The following LRRC4C variants were observed in gnomAD, a reference collection of about 807,000 sequenced individuals.
LRRC4C encodes leucine-rich repeat-containing protein 4C.
A neutral mutation model predicts 33.6 loss-of-function variants in LRRC4C; 5 were observed. The observed-to-expected ratio is 0.15, with a 90% CI of 0.08 to 0.31. The LOEUF is 0.31. LRRC4C is among the 10% of genes least tolerant of loss of function. The probability of loss-of-function intolerance (pLI) is 1.00; values close to 1 mark genes in which losing one functional copy is unlikely to be tolerated. For synonymous variants in LRRC4C, 329 were observed against 302.0 expected (o/e 1.09, Z -0.93); for missense variants, 560 against 796.7 (o/e 0.70, Z 3.58).
At chr11:40,866,178 A>AG (rs1954359500) in intron 2 of LRRC4C, among the ~76,000 whole-genome samples, 1 of 151,224 alleles carries the variant, frequency 6.6e-6, no homozygotes, top group African/African-American at 2.4e-5. Context: ...TTAAAAAAAA[A>AG]AAAAAAAGCG....
intron 2 of LRRC4C, among the ~76,000 whole-genome samples, chr11:40,705,121 A>G (rs1946085096): frequency 1.3e-5 from 2 of 152,180 alleles, no homozygotes; most frequent in Admixed American, 1.3e-4. Flanking sequence ...TACTGATGAG[A>G]AAGCCAAGAT....
intron 5 of LRRC4C, among the ~76,000 whole-genome samples, chr11:40,164,832 G>A (rs745418411): frequency 2.6e-5 from 4 of 152,110 alleles, no homozygotes; most frequent in Admixed American, 6.5e-5. Context: ...ATTACACCAT[G>A]TATGCATGTA....
chr11:41,094,735 G>A (rs973503934), intron 1 of LRRC4C, among the ~76,000 whole-genome samples: 14 of 151,828 alleles, frequency 9.2e-5, no homozygotes, highest in Admixed American at 7.9e-4. Context: ...CAAGATCAAA[G>A]CATTTATCTT....
At chr11:40,219,736 G>A (rs1463958169) in intron 5 of LRRC4C, among the ~76,000 whole-genome samples, 1 of 149,936 alleles carries the variant, frequency 6.7e-6, no homozygotes, top group Non-Finnish European at 1.5e-5. Flanking sequence ...TGAGGGGGAA[G>A]AAATTGGGGG....
intron 1 of LRRC4C, among the ~76,000 whole-genome samples, chr11:41,303,302 C>G (rs1403966637): frequency 7.3e-6 from 1 of 136,514 alleles, no homozygotes; most frequent in Non-Finnish European, 1.6e-5. Context: ...TTGGCCGGGC[C>G]GGTCTCCAGC....
At chr11:40,947,592 C>T (rs528900621) in intron 1 of LRRC4C, among the ~76,000 whole-genome samples, 1 of 152,082 alleles carries the variant, frequency 6.6e-6, no homozygotes, top group Non-Finnish European at 1.5e-5. Flanking sequence ...TGGTGTTTTT[C>T]TCCTCAAGCC....
chr11:41,024,214 T>G (rs939367073), intron 1 of LRRC4C, among the ~76,000 whole-genome samples: 1 of 151,654 alleles, frequency 6.6e-6, no homozygotes, highest in Admixed American at 6.6e-5. Flanking sequence ...TATTAGCCAG[T>G]GGGCAAGAAC....
intron 5 of LRRC4C, among the ~76,000 whole-genome samples, chr11:40,183,520 G>T (rs1861177142): frequency 6.6e-6 from 1 of 152,154 alleles, no homozygotes; most frequent in Admixed American, 6.5e-5. Context: ...TCATCAGGAG[G>T]CTGACCACTG....
chr11:40,326,610 G>A (rs780710829), intron 3 of LRRC4C, among the ~76,000 whole-genome samples: 11 of 150,970 alleles, frequency 7.3e-5, no homozygotes, highest in Non-Finnish European at 1.2e-4. Context: ...GGCCAAAGAA[G>A]CTTAGATCAG....
intron 1 of LRRC4C, among the ~76,000 whole-genome samples, chr11:41,448,507 T>C (rs1209981197): frequency 6.6e-6 from 1 of 151,992 alleles, no homozygotes; most frequent in African/African-American, 2.4e-5. Flanking sequence ...GGTTTCACCA[T>C]GTTTGCCAAG....
chr11:40,916,568 G>A, intron 2 of LRRC4C, among the ~76,000 whole-genome samples: 1 of 151,842 alleles, frequency 6.6e-6, no homozygotes, highest in Non-Finnish European at 1.5e-5. Flanking sequence ...GAGGTGGGAG[G>A]GATAGCATTA....
chr11:41,044,661 C>T (rs2138033538), intron 1 of LRRC4C, among the ~76,000 whole-genome samples: 1 of 152,176 alleles, frequency 6.6e-6, no homozygotes, highest in East Asian at 1.9e-4. Flanking sequence ...GTTCAGCTAA[C>T]AGTGAAGACA....
At chr11:41,277,993 A>G (rs1949537634) in intron 1 of LRRC4C, among the ~76,000 whole-genome samples, 1 of 152,100 alleles carries the variant, frequency 6.6e-6, no homozygotes, top group African/African-American at 2.4e-5. Context: ...TTGATCTCAT[A>G]GCAGTAGAGA....
chr11:40,444,666 C>G (rs1468594623), intron 3 of LRRC4C, among the ~76,000 whole-genome samples: 1 of 152,134 alleles, frequency 6.6e-6, no homozygotes, highest in East Asian at 1.9e-4. Flanking sequence ...CCTGCCTGAT[C>G]TGGCATTTCC....
intron 3 of LRRC4C, among the ~76,000 whole-genome samples, chr11:40,553,888 G>T (rs2135461443): frequency 6.6e-6 from 1 of 152,166 alleles, no homozygotes; most frequent in Non-Finnish European, 1.5e-5. Context: ...CATTCTGTAG[G>T]TTGCCTGTGT....
intron 4 of LRRC4C, among the ~76,000 whole-genome samples, chr11:40,271,508 T>G (rs1051364943): frequency 2.0e-5 from 3 of 152,336 alleles, no homozygotes; most frequent in Non-Finnish European, 4.4e-5. Flanking sequence ...GCATACCACA[T>G]AGCAGACATT....
intron 2 of LRRC4C, among the ~76,000 whole-genome samples, chr11:40,926,479 C>T (rs971259512): frequency 1.3e-5 from 2 of 152,244 alleles, no homozygotes; most frequent in Non-Finnish European, 2.9e-5. Flanking sequence ...TTTGAAAATA[C>T]TGAAGCACTC....
chr11:40,527,896 G>A (rs1305107119), intron 3 of LRRC4C, among the ~76,000 whole-genome samples: 2 of 152,012 alleles, frequency 1.3e-5, no homozygotes, highest in Admixed American at 6.6e-5. Flanking sequence ...TTACAGGCAT[G>A]CACCATGATG....
chr11:41,162,181 A>G (rs1485072997), intron 1 of LRRC4C, among the ~76,000 whole-genome samples: 1 of 152,162 alleles, frequency 6.6e-6, no homozygotes, highest in African/African-American at 2.4e-5. Context: ...CACATCCAGC[A>G]TCGCCTTTGA....
Sources: gnomAD v4.1 joint callset for allele counts (sites outside exome capture counted in the v4.1 genomes callset) on GRCh38, gnomAD v4.1.1 for gene constraint, MANE v1.5 for transcripts, NCBI Gene and HGNC (gene_info 2026-07-23, HGNC 2026-07-21) for gene names.